Variants in ICA1 observed in about 807,000 individuals in gnomAD.
The protein encoded by ICA1 is islet cell autoantigen 1, also known as 69 kDa islet cell autoantigen.
In ICA1, 40 loss-of-function variants were observed where a neutral mutation model predicts 71.0. The observed-to-expected ratio is 0.56, with a 90% CI of 0.44 to 0.73. The LOEUF (loss-of-function observed/expected upper bound fraction) is 0.73, where lower values mean the gene tolerates loss of function less well. Among genes scored for constraint, ICA1 ranks in the 30% least tolerant of loss-of-function variants. The pLI is 0.00. For synonymous variants in ICA1, 207 were observed against 209.5 expected (o/e 0.99, Z 0.10); for missense variants, 578 against 576.5 (o/e 1.00, Z -0.03).
chr7:8,163,367 TATAAA>T (rs768481996), intron 6 of ICA1, among the ~76,000 whole-genome samples: 3 of 152,228 alleles, frequency 2.0e-5, no homozygotes, highest in Non-Finnish European at 2.9e-5. Context: ...TTATTAACCT[TATAAA>T]ATAAAACAAT....
intron 6 of ICA1, among the ~76,000 whole-genome samples, chr7:8,183,493 AT>A (rs901196060): frequency 6.6e-6 from 1 of 152,192 alleles, no homozygotes; most frequent in African/African-American, 2.4e-5. Flanking sequence ...AATTATATGC[AT>A]TCAGTCAACA....
At chr7:8,196,964 G>A (rs962978171) in intron 6 of ICA1, among the ~76,000 whole-genome samples, 12 of 152,030 alleles carry the variant, frequency 7.9e-5, no homozygotes, top group East Asian at 7.7e-4. Flanking sequence ...TTCACCTTCC[G>A]CCACGATTGT....
intron 6 of ICA1, among the ~76,000 whole-genome samples, chr7:8,191,408 C>T (rs560546787): frequency 6.6e-6 from 1 of 152,276 alleles, no homozygotes; most frequent in African/African-American, 2.4e-5. Flanking sequence ...TTCAAGTACG[C>T]AAACAACCAC....
intron 3 of ICA1, among the ~76,000 whole-genome samples, chr7:8,230,249 A>T (rs1244588873): frequency 2.6e-5 from 4 of 152,194 alleles, no homozygotes; most frequent in African/African-American, 9.7e-5. Context: ...AAATATTAAA[A>T]CTCAGCGCAA....
chr7:8,170,198 T>C (rs556735027), intron 6 of ICA1, among the ~76,000 whole-genome samples: 2 of 152,116 alleles, frequency 1.3e-5, no homozygotes, highest in South Asian at 4.1e-4. Context: ...ATTATTCTGA[T>C]CTATATGTCT....
chr7:8,122,579 T>C (rs1584204569), intron 13 of ICA1, among the ~76,000 whole-genome samples: 1 of 152,236 alleles, frequency 6.6e-6, no homozygotes, highest in African/African-American at 2.4e-5. Flanking sequence ...ATTCAAACTA[T>C]AAATACACCC....
chr7:8,147,730 A>ACACACACACAC (rs575476658), intron 8 of ICA1, among the ~76,000 whole-genome samples: 1 of 139,866 alleles, frequency 7.1e-6, no homozygotes, highest in African/African-American at 2.6e-5. Flanking sequence ...ACACACACAC[A>ACACACACACAC]AGCTTAACTG....
intron 13 of ICA1, among the ~76,000 whole-genome samples, chr7:8,122,152 G>C (rs1787224875): frequency 6.6e-6 from 1 of 152,198 alleles, no homozygotes; most frequent in Admixed American, 6.5e-5. Context: ...CATGTGCCAA[G>C]ACCCCATGGT....
At chr7:8,261,819 C>T (rs1364099724) in intron 1 of ICA1, among the ~76,000 whole-genome samples, 1 of 152,158 alleles carries the variant, frequency 6.6e-6, no homozygotes, top group Non-Finnish European at 1.5e-5. Flanking sequence ...GAACGCTTCC[C>T]TACCGCTCCC....
At position 8,228,594 on chromosome 7, in the gene ICA1, T is replaced by C. The variant is rs752009276; in HGVS notation, c.256+7A>G. 11 of 1,547,702 alleles carry C rather than the reference T, an allele frequency of 7.1e-6. No individual in the cohort carries two copies. The highest frequency in any genetic ancestry group is 8.8e-6 in the Non-Finnish European group (10 of 1,132,440). ...TTGATCAATATTCATACTGATGTCATACTTACAACATATCCTCTTTTGATA... is the reference window on the plus strand; with the variant it reads ...TTGATCAATATTCATACTGATGTCACACTTACAACATATCCTCTTTTGATA... On this transcript the variant is annotated splice_region_variant and intron_variant, in intron 4 of 13. Transcript: ENST00000402384.
chr7:8,127,735 T>C, intron 13 of ICA1, 138 bp downstream of exon 13: 2 of 896,052 alleles, frequency 2.2e-6, no homozygotes, highest in South Asian at 1.7e-5. Context: ...TGGAATGTGA[T>C]TCTGAGTCTC....
intron 1 of ICA1, among the ~76,000 whole-genome samples, chr7:8,250,603 C>A (rs1293744189): frequency 6.6e-6 from 1 of 152,228 alleles, no homozygotes; most frequent in Non-Finnish European, 1.5e-5. Flanking sequence ...GAGCTCTGAT[C>A]CCCTCACTGC....
At chr7:8,148,016 G>A (rs62435418) in intron 8 of ICA1, among the ~76,000 whole-genome samples, 1,889 of 152,208 alleles carry the variant, frequency 0.012, 20 homozygotes, top group Non-Finnish European at 0.019. Context: ...ATGACCGTGG[G>A]GGTGTGTGTC....
intron 13 of ICA1, among the ~76,000 whole-genome samples, chr7:8,122,141 G>C (rs546157894): frequency 6.6e-6 from 1 of 152,268 alleles, no homozygotes; most frequent in African/African-American, 2.4e-5. Flanking sequence ...AGAAGGGAGA[G>C]CATGTGCCAA....
chr7:8,118,202 G>A (rs560352101), intron 13 of ICA1, among the ~76,000 whole-genome samples: 1 of 152,110 alleles, frequency 6.6e-6, no homozygotes, highest in Admixed American at 6.6e-5. Flanking sequence ...CAAACCTCAC[G>A]AACTTATTTA....
rs568915667 is a variant in ICA1 at position 8,255,158 on chromosome 7, C to T, written c.-80+6936G>A. Among the ~76,000 whole-genome samples the T allele has an allele frequency of 1.1e-4, 16 of 152,294 alleles. No individual in the cohort carries two copies. In the East Asian group the frequency reaches 2.9e-3, roughly 28 times the overall value. On this transcript the variant is annotated intron_variant, in intron 1 of 13. Coordinates refer to ENST00000402384, the MANE Select transcript of ICA1 (RefSeq NM_001136020.3). The stretch of plus-strand genomic sequence containing the variant: ...TTTCATGTTAATCAACCTCCCTTGG[C>T]TTCTACCATCAGGCCTCATTCTTCA...
intron 8 of ICA1, among the ~76,000 whole-genome samples, chr7:8,152,945 T>C (rs796997551): frequency 2.1e-3 from 300 of 140,552 alleles, no homozygotes; most frequent in African/African-American, 6.7e-3. Context: ...CCATCACCTC[T>C]TCCACCACTA....
intron 1 of ICA1, among the ~76,000 whole-genome samples, chr7:8,258,555 C>G (rs1811079778): frequency 6.6e-6 from 1 of 152,150 alleles, no homozygotes; most frequent in Non-Finnish European, 1.5e-5. Flanking sequence ...CGCAATACGG[C>G]CAAGTTGACA....
chr7:8,245,260 A>G (rs916170477), intron 1 of ICA1, among the ~76,000 whole-genome samples: 16 of 152,014 alleles, frequency 1.1e-4, no homozygotes, highest in African/African-American at 3.9e-4. Flanking sequence ...GTCCTTTGCA[A>G]GGACATGGAT....
Sources: allele counts gnomAD v4.1 joint callset (sites outside exome capture counted in the v4.1 genomes callset), GRCh38; gene constraint gnomAD v4.1.1; transcripts MANE v1.5; gene names NCBI Gene and HGNC (gene_info 2026-07-23, HGNC 2026-07-21).